CAMTA1: variants seen among roughly 807,000 people sequenced by gnomAD.
CAMTA1 encodes the protein calmodulin binding transcription activator 1.
In CAMTA1, 27 loss-of-function variants were observed where a neutral mutation model predicts 170.9. That is an observed-to-expected ratio of 0.16 (90% CI 0.12 to 0.22). The LOEUF (loss-of-function observed/expected upper bound fraction) is 0.22, where lower values mean the gene tolerates loss of function less well. Ranked by LOEUF, CAMTA1 falls within the 10% of genes least tolerant of loss-of-function variation. The pLI is 1.00. For synonymous variants in CAMTA1, 833 were observed against 891.5 expected, an observed-to-expected ratio of 0.93 and a Z score of 1.17; for missense variants, 1,619 against 2,217.2, an observed-to-expected ratio of 0.73 and a Z score of 5.42.
rs57280188 is a variant in CAMTA1, at chr1:7,270,244, TACACACAC to T, written c.438+20642_438+20649del. Among the ~76,000 whole-genome samples the T allele has an allele frequency of 4.8e-3, 610 of 127,146 alleles. 5 individuals carry two copies. Among genetic ancestry groups the T allele is most frequent in the African/African-American group, 0.013 (424 of 31,954 alleles). The allele number at this position is 127,146 out of a possible 152,430, so 83.4% of individuals were successfully genotyped here. On this transcript the variant is annotated intron_variant, in intron 5 of 22. Coordinates refer to ENST00000303635, the MANE Select transcript of CAMTA1 (RefSeq NM_015215.4). ...ATACATATATATACACATATATACA[TACACACAC>T]ACACACACACACACACACACACATA...
At chr1:7,582,106 A>G (rs1472425047) in intron 6 of CAMTA1, among the ~76,000 whole-genome samples, 1 of 152,188 alleles carries the variant, frequency 6.6e-6, no homozygotes, top group African/African-American at 2.4e-5. Context: ...GGCCAGCAGC[A>G]GGAGGAGCTG....
chr1:7,516,152 C>G (rs2094283249), intron 6 of CAMTA1, among the ~76,000 whole-genome samples: 1 of 152,208 alleles, frequency 6.6e-6, no homozygotes, highest in Non-Finnish European at 1.5e-5. Context: ...GTCTCCACCG[C>G]TTAACACAGA....
intron 6 of CAMTA1, among the ~76,000 whole-genome samples, chr1:7,526,568 C>T (rs1482551935): frequency 6.6e-6 from 1 of 152,214 alleles, no homozygotes; most frequent in Non-Finnish European, 1.5e-5. Context: ...CATTGGAAGG[C>T]GGAGGAGTCC....
At chr1:7,429,861 A>G (rs2092071587) in intron 5 of CAMTA1, among the ~76,000 whole-genome samples, 1 of 152,190 alleles carries the variant, frequency 6.6e-6, no homozygotes, top group Non-Finnish European at 1.5e-5. Context: ...GGCACATCTT[A>G]CATGGCTGGA....
chr1:7,293,201 G>T lies in CAMTA1; in HGVS notation c.438+43575G>T, dbSNP rs963495628. 1.3e-5 allele frequency among the ~76,000 whole-genome samples: 2 copies of T among 152,202 alleles called. No individual in the cohort carries two copies. The highest frequency in any genetic ancestry group is 2.1e-4 in the South Asian group (1 of 4,822). On this transcript the variant is annotated intron_variant, in intron 5 of 22. Transcript: ENST00000303635. The surrounding 1 kb of genome is among the most constrained non-coding windows in gnomAD (Gnocchi z 4.1). ...AAGGGATTGCGCTGCAGAAGCTGGG[G>T]CTGGTAAAGGCTGGGGAGCAAATGC...
chr1:7,499,175 T>A, intron 6 of CAMTA1, among the ~76,000 whole-genome samples: 1 of 19,586 alleles, frequency 5.1e-5, no homozygotes, highest in African/African-American at 2.5e-4. Context: ...TGCATGTGTG[T>A]CCATGAGTGT....
chr1:6,887,375 G>A lies in CAMTA1; in HGVS notation c.234+62165G>A, dbSNP rs1280952249. On this transcript the variant is annotated intron_variant, in intron 3 of 22. Transcript: ENST00000303635. This position sits in a 1 kb window ranked among gnomAD's most constrained non-coding sequence, Gnocchi z 4.1. ...AACCCAATAAAAGTCATGCTGTAAC[G>A]ATTGCAAAAAGACCATTGTATGAGA... Among the ~76,000 whole-genome samples the A allele has an allele frequency of 1.3e-5, 2 of 152,114 alleles. No homozygotes were observed. The highest frequency in any genetic ancestry group is 2.4e-5 in the African/African-American group (1 of 41,416).
At chr1:6,827,047 GT>G (rs1647247598) in intron 3 of CAMTA1, among the ~76,000 whole-genome samples, 2 of 152,174 alleles carry the variant, frequency 1.3e-5, no homozygotes, top group Admixed American at 6.5e-5. Context: ...AAAATGAGAA[GT>G]TTTTCCTTAT....
chr1:7,035,544 C>T (rs574958243), intron 3 of CAMTA1, among the ~76,000 whole-genome samples: 1 of 152,228 alleles, frequency 6.6e-6, no homozygotes, highest in Non-Finnish European at 1.5e-5. Context: ...GTTGCTACTA[C>T]CTTGATTTGT....
rs2096770766 is a variant in CAMTA1 at position 7,736,149 on chromosome 1, C to T, written c.3067-195C>T. The stretch of plus-strand genomic sequence containing the variant: ...TGGTCTCAAACTCCCGAGCAATCCT[C>T]CCACCTCGGCCTCCCAAAGTGCTAG... On this transcript the variant is annotated intron_variant, in intron 12 of 22. Transcript: ENST00000303635. This position sits in a 1 kb window ranked among gnomAD's most constrained non-coding sequence, Gnocchi z 4.5. Among the ~76,000 whole-genome samples, 1 of 152,182 alleles carries T rather than the reference C, an allele frequency of 6.6e-6. No homozygotes were observed. The highest frequency in any genetic ancestry group is 1.5e-5 in the Non-Finnish European group (1 of 68,034).
intron 5 of CAMTA1, among the ~76,000 whole-genome samples, chr1:7,253,093 A>G (rs1260657290): frequency 1.3e-5 from 2 of 152,202 alleles, no homozygotes; most frequent in Non-Finnish European, 2.9e-5. Flanking sequence ...GGCAGGAAGG[A>G]AAAAGAGGGT....
intron 6 of CAMTA1, among the ~76,000 whole-genome samples, chr1:7,550,852 A>T (rs1446164078): frequency 1.6e-5 from 2 of 126,956 alleles, no homozygotes; most frequent in African/African-American, 3.1e-5. Context: ...ACACCCACCC[A>T]GCTGACCCTC....
intron 3 of CAMTA1, among the ~76,000 whole-genome samples, chr1:6,952,430 CAAAAAAAAGAAA>C (rs1688662922): frequency 7.6e-5 from 1 of 13,120 alleles, no homozygotes; most frequent in African/African-American, 2.6e-4. Context: ...GACTCTGTCT[CAAAAAAAAGAAA>C]AAAAAAAAAA....
intron 3 of CAMTA1, among the ~76,000 whole-genome samples, chr1:6,850,086 T>G (rs1164451330): frequency 6.7e-6 from 1 of 149,342 alleles, no homozygotes; most frequent in Middle Eastern, 3.4e-3. Flanking sequence ...TCATGCCTTA[T>G]ACCAAAATAA....
At chr1:6,886,592 T>C (rs1368631265) in intron 3 of CAMTA1, among the ~76,000 whole-genome samples, 1 of 152,220 alleles carries the variant, frequency 6.6e-6, no homozygotes, top group Non-Finnish European at 1.5e-5. Context: ...TTTACTCACA[T>C]TTTGTCCACT....
Position 7,663,697 on chromosome 1 carries a change from A to T in CAMTA1, c.1150A>T (p.Met384Leu). 7 of 1,614,106 alleles carry T rather than the reference A, an allele frequency of 4.3e-6. No homozygotes were observed. The highest frequency in any genetic ancestry group is 5.9e-6 in the Non-Finnish European group (7 of 1,180,032). ...CCCGGTGGTCACAGGTGTGTCCGGT[A>T]TGGCGGTGGCCTCTGTGATGGGGAG... ...DSPVVTGVSG[M>L]AVASVMGSLS... The change falls in exon 9 of 23, where the codon ATG becomes TTG. Residue 384 changes from methionine (M) to leucine (L), a missense_variant. This residue lies in a region of CAMTA1 where 731 missense variants were observed against 907.6 expected (regional missense o/e 0.81). Transcript: ENST00000303635.
At chr1:7,006,096 T>C (rs6577398) in intron 3 of CAMTA1, among the ~76,000 whole-genome samples, 50,433 of 151,958 alleles carry the variant, frequency 0.33, 8,424 homozygotes, top group Admixed American at 0.35. Flanking sequence ...TGTCTCTGGG[T>C]TTAGCTAGAT....
chr1:7,310,600 T>C (rs771485480), intron 5 of CAMTA1, among the ~76,000 whole-genome samples: 5 of 54,572 alleles, frequency 9.2e-5, no homozygotes, highest in East Asian at 3.9e-4. Context: ...TTTTCTTTTC[T>C]TTTCTTTCTT....
chr1:7,226,752 C>T (rs1300994469), intron 4 of CAMTA1, among the ~76,000 whole-genome samples: 2 of 151,842 alleles, frequency 1.3e-5, no homozygotes, highest in South Asian at 2.1e-4. Flanking sequence ...TAGAGATATG[C>T]ACATTTTTTC....
Sources: gnomAD v4.1 joint callset for allele counts (sites outside exome capture counted in the v4.1 genomes callset) on GRCh38, gnomAD v4.1.1 for gene constraint, gnomAD v4.1.1 regional missense constraint, Gnocchi (gnomAD v3.1) non-coding constraint, MANE v1.5 for transcripts, NCBI Gene and HGNC (gene_info 2026-07-23, HGNC 2026-07-21) for gene names.